The following CSMD3 variants were observed in gnomAD, a reference collection of about 807,000 sequenced individuals.
CSMD3 encodes CUB and Sushi multiple domains 3.
In CSMD3, 177 loss-of-function variants were observed where a neutral mutation model predicts 435.2. The observed-to-expected ratio is 0.41, with a 90% CI of 0.36 to 0.46. The LOEUF is 0.46. CSMD3 is among the 20% of genes least tolerant of loss of function. CSMD3 has a pLI of 0.34. For synonymous variants in CSMD3, 1,656 were observed against 1,520.5 expected (o/e 1.09, Z -2.07); for missense variants, 4,265 against 4,504.6 (o/e 0.95, Z 1.52).
intron 67 of CSMD3, among the ~76,000 whole-genome samples, chr8:112,236,737 C>T (rs1813628574): frequency 6.6e-6 from 1 of 152,076 alleles, no homozygotes; most frequent in Admixed American, 6.6e-5. Context: ...TTTTGGTTCC[C>T]TTATGCCTAT....
chr8:112,693,987 T>C (rs150495132), intron 13 of CSMD3, among the ~76,000 whole-genome samples: 5 of 151,858 alleles, frequency 3.3e-5, no homozygotes, highest in Admixed American at 3.3e-4. Context: ...CCTTAAATAC[T>C]GAAAAATTAT....
intron 32 of CSMD3, among the ~76,000 whole-genome samples, chr8:112,443,656 T>C (rs981220107): frequency 5.9e-5 from 9 of 152,070 alleles, no homozygotes; most frequent in Admixed American, 3.3e-4. Context: ...GAAAATGCCC[T>C]AGTTATCTTT....
intron 8 of CSMD3, among the ~76,000 whole-genome samples, chr8:112,949,576 CT>C (rs2083736703): frequency 6.6e-6 from 1 of 152,036 alleles, no homozygotes; most frequent in Non-Finnish European, 1.5e-5. Flanking sequence ...TTTCAATGGC[CT>C]ATTTGATTAT....
intron 38 of CSMD3, among the ~76,000 whole-genome samples, chr8:112,353,807 C>T (rs1563831174): frequency 2.0e-5 from 3 of 152,052 alleles, no homozygotes; most frequent in South Asian, 2.1e-4. Context: ...CCAAAACTTA[C>T]AAAAATTCAA....
intron 23 of CSMD3, among the ~76,000 whole-genome samples, chr8:112,585,867 C>T (rs1830684738): frequency 6.6e-6 from 1 of 151,618 alleles, no homozygotes; most frequent in South Asian, 2.1e-4. Context: ...TACAAGCATC[C>T]TATTAATCTC....
At chr8:113,228,837 T>C (rs779391910) in intron 3 of CSMD3, among the ~76,000 whole-genome samples, 3 of 151,634 alleles carry the variant, frequency 2.0e-5, no homozygotes, top group Non-Finnish European at 4.4e-5. Context: ...ACTTGATACT[T>C]GCTCTAGTGA....
Position 112,479,993 on chromosome 8 carries a change from A to C in CSMD3, c.5279-7286T>G, listed in dbSNP as rs561341462. On this transcript the variant is annotated intron_variant, in intron 31 of 70. Transcript: ENST00000297405. The stretch of plus-strand genomic sequence containing the variant: ...ACCTCTGCCTGGAAAAGCTGCAAGC[A>C]CTCAACTCAAACCTTTGAGAGCAGC... Among the ~76,000 whole-genome samples the C allele has an allele frequency of 3.3e-5, 5 of 152,306 alleles. No individual in the cohort carries two copies. The South Asian group carries it at 1.0e-3, about 32-fold the overall frequency.
chr8:112,777,636 G>A (rs1021362073), intron 13 of CSMD3, among the ~76,000 whole-genome samples: 1 of 151,674 alleles, frequency 6.6e-6, no homozygotes, highest in African/African-American at 2.4e-5. Flanking sequence ...TGGTGACCAC[G>A]ACTGAATTAA....
intron 38 of CSMD3, among the ~76,000 whole-genome samples, chr8:112,370,504 T>C (rs1330383745): frequency 6.6e-6 from 1 of 152,178 alleles, no homozygotes; most frequent in Non-Finnish European, 1.5e-5. Flanking sequence ...ACTTTTCCTC[T>C]CTCATTTAAT....
intron 32 of CSMD3, among the ~76,000 whole-genome samples, chr8:112,430,356 T>C (rs146789637): frequency 0.01 from 1,595 of 152,150 alleles, 28 homozygotes; most frequent in African/African-American, 0.037. Context: ...CATTATCTCA[T>C]GTAAGAAAAT....
chr8:112,584,340 A>ACC (rs1298312188), intron 23 of CSMD3, among the ~76,000 whole-genome samples: 1 of 151,804 alleles, frequency 6.6e-6, no homozygotes, highest in African/African-American at 2.4e-5. Context: ...ACTTAAAAAA[A>ACC]ATCTAGAGGA....
intron 3 of CSMD3, among the ~76,000 whole-genome samples, chr8:113,245,650 A>G (rs534473126): frequency 6.6e-6 from 1 of 152,192 alleles, no homozygotes; most frequent in East Asian, 1.9e-4. Flanking sequence ...AAAATCAGAC[A>G]GAATATTTTA....
At chr8:112,857,976 T>C (rs930534133) in intron 11 of CSMD3, among the ~76,000 whole-genome samples, 4 of 151,702 alleles carry the variant, frequency 2.6e-5, no homozygotes, top group Non-Finnish European at 5.9e-5. Flanking sequence ...ATTTAGAAAT[T>C]TACCCAAGTT....
At chr8:112,405,495 T>C (rs1296687755) in intron 35 of CSMD3, among the ~76,000 whole-genome samples, 1 of 151,226 alleles carries the variant, frequency 6.6e-6, no homozygotes, top group Non-Finnish European at 1.5e-5. Flanking sequence ...CCAAGCGTCA[T>C]TATAATTACC....
intron 60 of CSMD3, 140 bp from the exon 61 acceptor site, chr8:112,263,952 C>T: frequency 1.2e-6 from 1 of 806,720 alleles, no homozygotes. Context: ...TCTTATTCTC[C>T]TGGTAGTGTT....
At chr8:112,481,614 A>C (rs979081226) in intron 31 of CSMD3, among the ~76,000 whole-genome samples, 1 of 152,164 alleles carries the variant, frequency 6.6e-6, no homozygotes, top group Non-Finnish European at 1.5e-5. Flanking sequence ...GTATATTTCT[A>C]GTAAATTACT....
At chr8:113,352,457 G>A (rs1256257285) in intron 1 of CSMD3, among the ~76,000 whole-genome samples, 1 of 151,866 alleles carries the variant, frequency 6.6e-6, no homozygotes, top group African/African-American at 2.4e-5. Flanking sequence ...TTCAGACTTG[G>A]CCTCCAGAAC....
chr8:112,419,309 A>C (rs1318847125), intron 32 of CSMD3, among the ~76,000 whole-genome samples: 5 of 152,170 alleles, frequency 3.3e-5, no homozygotes, highest in Non-Finnish European at 7.3e-5. Flanking sequence ...TGAGCAAAAA[A>C]GTCTGGAGTG....
intron 1 of CSMD3, among the ~76,000 whole-genome samples, chr8:113,396,181 G>C (rs550294730): frequency 1.8e-4 from 27 of 152,242 alleles, no homozygotes; most frequent in African/African-American, 5.8e-4. Flanking sequence ...AGATTTTGTA[G>C]CAAAATATGA....
Sources: allele counts gnomAD v4.1 joint callset (sites outside exome capture counted in the v4.1 genomes callset), GRCh38; gene constraint gnomAD v4.1.1; transcripts MANE v1.5; gene names NCBI Gene and HGNC (gene_info 2026-07-23, HGNC 2026-07-21).